KCNB2: variants seen among roughly 807,000 people sequenced by gnomAD.
KCNB2 encodes delayed rectifier potassium channel protein.
A neutral mutation model predicts 61.5 loss-of-function variants in KCNB2; 15 were observed. The observed-to-expected ratio is 0.24, with a 90% CI of 0.16 to 0.38. KCNB2 has a LOEUF of 0.38. Among genes scored for constraint, KCNB2 ranks in the 10% least tolerant of loss-of-function variants. KCNB2 has a pLI of 1.00. For missense variants in KCNB2, 828 were observed against 1,125.2 expected (o/e 0.74, Z 3.78); for synonymous variants, 457 against 446.0 (o/e 1.02, Z -0.31).
chr8:72,778,733 CAA>C (rs753797385), intron 2 of KCNB2, among the ~76,000 whole-genome samples: 118 of 14,116 alleles, frequency 8.4e-3, no homozygotes, highest in African/African-American at 0.032. Flanking sequence ...ACAGAGCGAG[CAA>C]AAAAAAAAAA....
chr8:72,628,993 T>TA (rs1805837949), intron 2 of KCNB2, among the ~76,000 whole-genome samples: 1 of 152,310 alleles, frequency 6.6e-6, no homozygotes, highest in African/African-American at 2.4e-5. Flanking sequence ...TTTTAGGCAC[T>TA]AAATAAATGC....
intron 2 of KCNB2, among the ~76,000 whole-genome samples, chr8:72,685,914 G>A (rs1015125300): frequency 1.4e-4 from 22 of 152,162 alleles, no homozygotes; most frequent in Admixed American, 5.9e-4. Flanking sequence ...GCTTGAACCC[G>A]GGAGGCGGAG....
At chr8:72,806,868 AG>A (rs1172515380) in intron 2 of KCNB2, among the ~76,000 whole-genome samples, 1 of 152,180 alleles carries the variant, frequency 6.6e-6, no homozygotes, top group East Asian at 1.9e-4. Flanking sequence ...AGTGCTCTGA[AG>A]GAAATAAGTG....
chr8:72,840,543 A>G (rs1458168395), intron 2 of KCNB2, among the ~76,000 whole-genome samples: 2 of 152,172 alleles, frequency 1.3e-5, no homozygotes, highest in Non-Finnish European at 2.9e-5. Context: ...AAGCGTTCCT[A>G]TTTCTCCACG....
chr8:72,844,171 G>A (rs1394182450), intron 2 of KCNB2, among the ~76,000 whole-genome samples: 1 of 152,124 alleles, frequency 6.6e-6, no homozygotes, highest in Non-Finnish European at 1.5e-5. Flanking sequence ...TGTCTGTAAG[G>A]GACTTTATTT....
intron 2 of KCNB2, among the ~76,000 whole-genome samples, chr8:72,861,891 G>A (rs969642283): frequency 6.6e-6 from 1 of 152,102 alleles, no homozygotes; most frequent in Non-Finnish European, 1.5e-5. Flanking sequence ...TGTTACCAAG[G>A]CCAGGTGCAG....
intron 2 of KCNB2, among the ~76,000 whole-genome samples, chr8:72,581,413 A>T (rs1806894532): frequency 6.6e-6 from 1 of 152,224 alleles, no homozygotes; most frequent in Non-Finnish European, 1.5e-5. Flanking sequence ...CACTTGAAGA[A>T]TCCGAACTGT....
chr8:72,832,828 T>C (rs1809720834), intron 2 of KCNB2, among the ~76,000 whole-genome samples: 2 of 152,106 alleles, frequency 1.3e-5, no homozygotes, highest in Non-Finnish European at 2.9e-5. Flanking sequence ...GTGGGTTTCT[T>C]TATAGGAGAG....
chr8:72,719,194 T>C (rs1023446327), intron 2 of KCNB2, among the ~76,000 whole-genome samples: 1 of 152,140 alleles, frequency 6.6e-6, no homozygotes, highest in African/African-American at 2.4e-5. Flanking sequence ...TAATCACTGT[T>C]TTAAACTCCT....
At chr8:72,935,507 T>C (rs943493219) in intron 2 of KCNB2, among the ~76,000 whole-genome samples, 2 of 152,216 alleles carry the variant, frequency 1.3e-5, no homozygotes, top group African/African-American at 2.4e-5. Context: ...ATATTTTTAA[T>C]TGTAGAATGA....
chr8:72,825,277 T>A (rs1004931057), intron 2 of KCNB2, among the ~76,000 whole-genome samples: 3 of 152,236 alleles, frequency 2.0e-5, no homozygotes, highest in Non-Finnish European at 2.9e-5. Context: ...GAGATCACAT[T>A]TTGTCTACCC....
chr8:72,684,292 G>C (rs1806811882), intron 2 of KCNB2, among the ~76,000 whole-genome samples: 1 of 152,252 alleles, frequency 6.6e-6, no homozygotes, highest in East Asian at 1.9e-4. Context: ...TCATTGATCT[G>C]ATGTTCCCCT....
intron 2 of KCNB2, among the ~76,000 whole-genome samples, chr8:72,910,623 T>G (rs1305240466): frequency 5.3e-5 from 8 of 152,122 alleles, no homozygotes; most frequent in African/African-American, 1.4e-4. Flanking sequence ...AAAGAGTCAA[T>G]AAAGGTAAGG....
At chr8:72,924,975 A>G (rs1286647382) in intron 2 of KCNB2, among the ~76,000 whole-genome samples, 1 of 152,070 alleles carries the variant, frequency 6.6e-6, no homozygotes, top group Non-Finnish European at 1.5e-5. Flanking sequence ...TGGCAGAGCC[A>G]CTCCATTTCA....
At chr8:72,561,394 A>C (rs1806508474) in intron 1 of KCNB2, among the ~76,000 whole-genome samples, 1 of 151,404 alleles carries the variant, frequency 6.6e-6, no homozygotes, top group African/African-American at 2.4e-5. Context: ...TGACCTCATA[A>C]TCTGCCCACC....
chr8:72,816,210 T>C (rs1809393996), intron 2 of KCNB2, among the ~76,000 whole-genome samples: 1 of 152,178 alleles, frequency 6.6e-6, no homozygotes. Flanking sequence ...ATGTGATGAA[T>C]AGTAATGCTC....
At chr8:72,835,419 G>T (rs570070345) in intron 2 of KCNB2, among the ~76,000 whole-genome samples, 1 of 152,116 alleles carries the variant, frequency 6.6e-6, no homozygotes, top group African/African-American at 2.4e-5. Flanking sequence ...AATGAAAGAT[G>T]GAGAGTTCTC....
chr8:72,769,579 G>C (rs562107891), intron 2 of KCNB2, among the ~76,000 whole-genome samples: 10 of 152,198 alleles, frequency 6.6e-5, no homozygotes, highest in Non-Finnish European at 1.0e-4. Context: ...GTGGAATGGA[G>C]GGAAGCGACC....
chr8:72,901,842 A>G (rs1806097900), intron 2 of KCNB2, among the ~76,000 whole-genome samples: 1 of 152,136 alleles, frequency 6.6e-6, no homozygotes, highest in Non-Finnish European at 1.5e-5. Context: ...AGATAATTTT[A>G]TATTGGAGAA....
Sources: gnomAD v4.1 joint callset for allele counts (sites outside exome capture counted in the v4.1 genomes callset) on GRCh38, gnomAD v4.1.1 for gene constraint, MANE v1.5 for transcripts, NCBI Gene and HGNC (gene_info 2026-07-23, HGNC 2026-07-21) for gene names.